The following ROBO3 variants were observed in gnomAD, a reference collection of about 807,000 sequenced individuals.
ROBO3 encodes roundabout homolog 3.
ROBO3 carries 97 observed loss-of-function variants against 160.5 expected under a neutral mutation model. The ratio of observed to expected loss-of-function variants is 0.60; its 90% confidence interval spans 0.51 to 0.72. ROBO3 has a LOEUF of 0.72. Among genes scored for constraint, ROBO3 ranks in the 30% least tolerant of loss-of-function variants. ROBO3 has a pLI of 0.00. For synonymous variants in ROBO3, 780 were observed against 746.2 expected, an observed-to-expected ratio of 1.05 and a Z score of -0.74; for missense variants, 1,858 against 1,846.5, an observed-to-expected ratio of 1.01 and a Z score of -0.11.
At position 124,872,514 on chromosome 11, in the gene ROBO3, G is replaced by A. The variant is rs369554878; in HGVS notation, c.1292G>A (p.Gly431Asp). The A allele has an allele frequency of 1.2e-6, 2 of 1,613,824 alleles. No homozygotes were observed. The highest frequency in any genetic ancestry group is 1.7e-6 in the Non-Finnish European group (2 of 1,179,834). Residue 431 changes from glycine to aspartate, a missense_variant, in exon 8 of 28, where the codon GGC becomes GAC. Gly to Asp is a moderately conservative substitution (Grantham distance 94, BLOSUM62 -1). Transcript: ENST00000397801. The surrounding 1 kb of genome is among the most constrained non-coding windows in gnomAD (Gnocchi z 4.3). ...GTGTGCCAGGCTGTCAGTGTGGCTG[G>A]CAGCATCCTGGCCAAGGCCCTGCTG... ...YYVCQAVSVA[G>D]SILAKALLEI...
In ROBO3 at chr11:124,875,565, C is replaced by T. The variant is rs777501749; in HGVS notation, c.2301C>T (p.Ala767=). 6.2e-7 allele frequency: 1 copy of T among 1,611,636 alleles called. No homozygotes were observed. Among genetic ancestry groups the T allele is most frequent in the Admixed American group, 1.7e-5 (1 of 59,360 alleles). The change falls in exon 15 of 28, where the codon GCC becomes GCT. Residue 767 remains alanine, a splice_region_variant and synonymous_variant. Coordinates refer to ENST00000397801, the MANE Select transcript of ROBO3 (RefSeq NM_022370.4). The part of the protein sequence containing the change: ...LSVTRSIPEE[A]PSGPPQGVAV... ...TCACCATGCTCCACCCTGGCCCAGC[C>T]CCCAGTGGCCCCCCACAGGGAGTGG...
rs767691070 is a variant in ROBO3, at chr11:124,869,893, T to C, written c.646-55T>C. 52 of 1,548,144 alleles carry C rather than the reference T, an allele frequency of 3.4e-5. No individual in the cohort carries two copies. Among genetic ancestry groups the C allele is most frequent in the Non-Finnish European group, 4.1e-5 (47 of 1,143,438 alleles). On this transcript the variant is annotated intron_variant, in intron 3 of 27. Transcript: ENST00000397801. This position sits in a 1 kb window ranked among gnomAD's most constrained non-coding sequence, Gnocchi z 4.2. The stretch of plus-strand genomic sequence containing the variant: ...TGTATATACACATATATTCACCATA[T>C]ATATATACGCTGTGATAGCTGAAAT...
chr11:124,876,401 G>T lies in ROBO3; in HGVS notation c.2720G>T (p.Gly907Val). ...SGAACGALLL[G>V]LCAALYWRRK... ...GCAGCCTGCGGGGCGCTGCTTCTCG[G>T]GCTCTGCGCCGCCCTCTACTGGCGC... The change falls in exon 17 of 28, where the codon GGG becomes GTG. Residue 907 changes from glycine to valine, a missense_variant. Transcript: ENST00000397801. The surrounding 1 kb of genome is among the most constrained non-coding windows in gnomAD (Gnocchi z 5.3). 1 of 1,454,404 alleles carries T rather than the reference G, an allele frequency of 6.9e-7. No individual in the cohort carries two copies. The allele number at this position is 1,454,404 out of a possible 1,614,324, so 90.1% of individuals were successfully genotyped here. A position where few individuals can be genotyped will look rare whatever the true frequency, so the allele number is the denominator to read the frequency against.
chr11:124,872,351 C>T lies in ROBO3; in HGVS notation c.1159-30C>T. On this transcript the variant is annotated intron_variant, in intron 7 of 27. Transcript: ENST00000397801. This position sits in a 1 kb window ranked among gnomAD's most constrained non-coding sequence, Gnocchi z 4.3. ...CTCCCTGCCCAGCTGCCTGCTCATTCCCTACCCTGGTTCCTTGCTCTGTCC... is the reference window on the plus strand; with the variant it reads ...CTCCCTGCCCAGCTGCCTGCTCATTTCCTACCCTGGTTCCTTGCTCTGTCC... The T allele has an allele frequency of 6.2e-7, 1 of 1,611,566 alleles. No individual in the cohort carries two copies. Among genetic ancestry groups the T allele is most frequent in the Non-Finnish European group, 8.5e-7 (1 of 1,177,730 alleles).
intron 6 of ROBO3, 112 bp downstream of exon 6, chr11:124,870,840 C>A (rs989844711): frequency 3.9e-6 from 6 of 1,529,550 alleles, no homozygotes; most frequent in Middle Eastern, 3.5e-4. Flanking sequence ...GGATGGAACA[C>A]CTGAGACTTC....
At chr11:124,871,969 A>G (rs867514283) in intron 7 of ROBO3, among the ~76,000 whole-genome samples, 1 of 152,194 alleles carries the variant, frequency 6.6e-6, no homozygotes, top group African/African-American at 2.4e-5. Context: ...AATCTAATGG[A>G]TTATCTTCCA....
chr11:124,867,701 G>A (rs988379589), intron 1 of ROBO3, among the ~76,000 whole-genome samples: 19 of 151,708 alleles, frequency 1.3e-4, no homozygotes, highest in African/African-American at 4.6e-4. Flanking sequence ...ACTTCTAAGA[G>A]GGGGGGCAGG....
chr11:124,865,879 T>G lies in ROBO3; in HGVS notation c.160+142T>G. 1 of 982,728 alleles carries G rather than the reference T, an allele frequency of 1.0e-6. No homozygotes were observed. Among genetic ancestry groups the G allele is most frequent in the Non-Finnish European group, 1.5e-6 (1 of 686,228 alleles). The allele number at this position is 982,728 out of a possible 1,614,324, so 60.9% of individuals were successfully genotyped here. On this transcript the variant is annotated intron_variant, in intron 1 of 27. Coordinates refer to ENST00000397801, the MANE Select transcript of ROBO3 (RefSeq NM_022370.4). The surrounding 1 kb of genome is among the most constrained non-coding windows in gnomAD (Gnocchi z 5.5). ...CAGCGCCTCCCTGGGTCGTGGGGTC[T>G]AAGGGATAATTTGGAGCTTCGAGCA... is the stretch of plus-strand genomic sequence containing the variant.
In ROBO3 at chr11:124,878,976, C is replaced by A. The variant is rs889804158; in HGVS notation, c.3533+180C>A. 4 of 747,346 alleles carry A rather than the reference C, an allele frequency of 5.4e-6. No individual in the cohort carries two copies. The highest frequency in any genetic ancestry group is 5.3e-5 in the African/African-American group (3 of 56,954). 46.3% of individuals were successfully genotyped at this position (747,346 alleles called of 1,614,324 possible). A position where few individuals can be genotyped will look rare whatever the true frequency, so the allele number is the denominator to read the frequency against. ...ATGGAGGCTGACAAGATCTCTCATG[C>A]CCATTAGACTGGCTCTTGCTGGAGT... On this transcript the variant is annotated intron_variant, in intron 23 of 27. Coordinates refer to ENST00000397801, the MANE Select transcript of ROBO3 (RefSeq NM_022370.4). The surrounding 1 kb of genome is among the most constrained non-coding windows in gnomAD (Gnocchi z 4.3).
Position 124,880,039 on chromosome 11 carries a change from C to A in ROBO3, c.3958+91C>A, listed in dbSNP as rs545574779. 286 of 1,269,982 alleles carry A rather than the reference C, an allele frequency of 2.3e-4. 1 individual carries two copies. The East Asian group carries it at 2.4e-3, about 11-fold the overall frequency. 78.7% of individuals were successfully genotyped at this position (1,269,982 alleles called of 1,614,324 possible). A position where few individuals can be genotyped will look rare whatever the true frequency, so the allele number is the denominator to read the frequency against. On this transcript the variant is annotated intron_variant, in intron 26 of 27. Transcript: ENST00000397801. ...GCTGATAGTAGACCAGCTCAGCCCT[C>A]CCTTTAGTTAGGTTCATGCATTTGA...
At position 124,873,622 on chromosome 11, in the gene ROBO3, C is replaced by T; in HGVS notation, c.1619-75C>T. ...ACCGCAGCTCAGAGCTCCATAGCTC[C>T]CCTGGTAAGGAGACAGGTTACACTA... is the stretch of plus-strand genomic sequence containing the variant. On this transcript the variant is annotated intron_variant, in intron 10 of 27. Transcript: ENST00000397801. The surrounding 1 kb of genome is among the most constrained non-coding windows in gnomAD (Gnocchi z 4.5). 2 of 1,402,758 alleles carry T rather than the reference C, an allele frequency of 1.4e-6. No individual in the cohort carries two copies. The highest frequency in any genetic ancestry group is 2.7e-5 in the South Asian group (2 of 74,204). 86.9% of individuals were successfully genotyped at this position (1,402,758 alleles called of 1,614,324 possible).
Position 124,870,066 on chromosome 11 carries a change from T to C in ROBO3, c.764T>C (p.Leu255Pro), listed in dbSNP as rs747047729. 11 of 1,614,000 alleles carry C rather than the reference T, an allele frequency of 6.8e-6. No individual in the cohort carries two copies. Among genetic ancestry groups the C allele is most frequent in the East Asian group, 4.5e-5 (2 of 44,876 alleles). ...RESAAAEVMVLERPSFLRRPV... is the reference protein window; with the variant it reads ...RESAAAEVMVPERPSFLRRPV... Reference sequence around the variant, plus strand: ...AGTGCGGCAGCTGAAGTCATGGTACTGGGTAGGCACAGGGAATTTTGACAT... The same window carrying C: ...AGTGCGGCAGCTGAAGTCATGGTACCGGGTAGGCACAGGGAATTTTGACAT... The change falls in exon 4 of 28, where the codon CTG (leucine) becomes CCG (proline). Residue 255 changes from leucine to proline, a missense_variant and splice_region_variant. Coordinates refer to ENST00000397801, the MANE Select transcript of ROBO3 (RefSeq NM_022370.4).
chr11:124,876,876 C>G lies in ROBO3; in HGVS notation c.2780-285C>G, dbSNP rs1284858763. The G allele has an allele frequency of 5.2e-6, 3 of 573,430 alleles. No homozygotes were observed. The highest frequency in any genetic ancestry group is 9.3e-6 in the Non-Finnish European group (3 of 323,034). 35.5% of individuals were successfully genotyped at this position (573,430 alleles called of 1,614,324 possible). On this transcript the variant is annotated intron_variant, in intron 17 of 27. Coordinates refer to ENST00000397801, the MANE Select transcript of ROBO3 (RefSeq NM_022370.4). This position sits in a 1 kb window ranked among gnomAD's most constrained non-coding sequence, Gnocchi z 5.3. Reference sequence around the variant, plus strand: ...CGGGGCCCGCTGAAAGAAGGCGATCCGAGTTCTGCTACTTCCTAGTAAGGG... The same window carrying G: ...CGGGGCCCGCTGAAAGAAGGCGATCGGAGTTCTGCTACTTCCTAGTAAGGG...
Position 124,869,498 on chromosome 11 carries a change from TG to T in ROBO3, c.541del (p.Glu181SerfsTer41), listed in dbSNP as rs1946251013. The T allele has an allele frequency of 6.6e-7, 1 of 1,507,542 alleles. No individual in the cohort carries two copies. The highest frequency in any genetic ancestry group is 8.9e-7 in the Non-Finnish European group (1 of 1,117,774). The allele number at this position is 1,507,542 out of a possible 1,614,324, so 93.4% of individuals were successfully genotyped here. ...RQSPGNVVVA[V>X]GEPAVLECVP... ...TCTCCTGGAAACGTGGTGGTGGCAG[TG>T]GGGGAGCCAGCAGTACTGGAATGCG... On this transcript the variant is annotated frameshift_variant, in exon 3 of 28. Transcript: ENST00000397801. LOFTEE classifies it high-confidence loss of function. This position sits in a 1 kb window ranked among gnomAD's most constrained non-coding sequence, Gnocchi z 4.2.
chr11:124,875,835 T>C lies in ROBO3; in HGVS notation c.2422-119T>C, dbSNP rs576901113. The C allele has an allele frequency of 1.9e-5, 28 of 1,441,768 alleles. No homozygotes were observed. The African/African-American group carries it at 3.6e-4, about 19-fold the overall frequency. 89.3% of individuals were successfully genotyped at this position (1,441,768 alleles called of 1,614,324 possible). A position where few individuals can be genotyped will look rare whatever the true frequency, so the allele number is the denominator to read the frequency against. ...AGGGGAGAAGAGAGAGGTTTCCAAG[T>C]GTTGTTTCCAGGTTGAATTACATCT... On this transcript the variant is annotated intron_variant, in intron 15 of 27. Coordinates refer to ENST00000397801, the MANE Select transcript of ROBO3 (RefSeq NM_022370.4).
chr11:124,868,506 C>T, intron 1 of ROBO3: 1 of 598,282 alleles, frequency 1.7e-6, no homozygotes, highest in Non-Finnish European at 3.0e-6. Context: ...TTAAACTTGG[C>T]AGGAGAGGAG....
Position 124,875,635 on chromosome 11 carries a change from T to G in ROBO3, c.2371T>G (p.Trp791Gly), listed in dbSNP as rs77098788. The G allele has an allele frequency of 6.2e-7, 1 of 1,610,848 alleles. No homozygotes were observed. Among genetic ancestry groups the G allele is most frequent in the African/African-American group, 1.3e-5 (1 of 74,782 alleles). Residue 791 changes from tryptophan to glycine, a missense_variant, in exon 15 of 28, where the codon TGG (tryptophan) becomes GGG (glycine). Transcript: ENST00000397801. ...GDGNSSITVS[W>G]EPPLPSQQNG... ...TGGCAACAGCAGTATCACTGTGTCC[T>G]GGGAACCTCCACTCCCCTCCCAGCA...
intron 27 of ROBO3, among the ~76,000 whole-genome samples, chr11:124,880,936 C>A (rs1240814078): frequency 6.6e-6 from 1 of 152,068 alleles, no homozygotes; most frequent in Non-Finnish European, 1.5e-5. Context: ...TCCTGTAGTC[C>A]CAGCTACTCA....
At position 124,878,197 on chromosome 11, in the gene ROBO3, C is replaced by G. The variant is rs1197070421; in HGVS notation, c.3181+66C>G. On this transcript the variant is annotated intron_variant, in intron 21 of 27. Coordinates refer to ENST00000397801, the MANE Select transcript of ROBO3 (RefSeq NM_022370.4). This position sits in a 1 kb window ranked among gnomAD's most constrained non-coding sequence, Gnocchi z 4.3. ...GGGTATCCCCAAAGAGGATCCTCCT[C>G]CCTGACCCTCTGGCACCTAGCCCGG... 10 of 1,565,462 alleles carry G rather than the reference C, an allele frequency of 6.4e-6. No individual in the cohort carries two copies. Among genetic ancestry groups the G allele is most frequent in the Non-Finnish European group, 8.7e-6 (10 of 1,149,540 alleles).
Sources: allele counts gnomAD v4.1 joint callset (sites outside exome capture counted in the v4.1 genomes callset), GRCh38; gene constraint gnomAD v4.1.1; non-coding constraint Gnocchi (gnomAD v3.1); transcripts MANE v1.5; gene names NCBI Gene and HGNC (gene_info 2026-07-23, HGNC 2026-07-21).